Variants in CEP63 observed in about 807,000 individuals in gnomAD.
CEP63 encodes centrosomal protein of 63 kDa.
CEP63 carries 84 observed loss-of-function variants against 89.1 expected under a neutral mutation model. The ratio of observed to expected loss-of-function variants is 0.94; its 90% CI spans 0.79 to 1.13. The LOEUF is 1.13. CEP63 is among the 50% of genes most tolerant of loss of function. The pLI, the probability that CEP63 is intolerant of heterozygous loss-of-function variation, is 0.00. For missense variants in CEP63, 838 were observed against 813.3 expected (o/e 1.03, Z -0.37); for synonymous variants, 267 against 272.5 (o/e 0.98, Z 0.20).
At chr3:134,738,400 T>C in the CEP63 span, among the ~76,000 whole-genome samples, 1 of 152,220 alleles carries the variant, frequency 6.6e-6, no homozygotes, top group East Asian at 1.9e-4. Context: ...CTTTTTTGAA[T>C]AATGACTTCT....
At chr3:134,540,163 TTAAAA>T (rs1282311334) in intron 6 of CEP63, among the ~76,000 whole-genome samples, 1 of 152,168 alleles carries the variant, frequency 6.6e-6, no homozygotes, top group Non-Finnish European at 1.5e-5. Context: ...AACAATAACT[TTAAAA>T]TATATAGAAT....
chr3:134,753,349 T>C, the CEP63 span, among the ~76,000 whole-genome samples: 9 of 152,224 alleles, frequency 5.9e-5, no homozygotes, highest in Non-Finnish European at 1.3e-4. Flanking sequence ...CCTGCCTCCA[T>C]GGGGATTTGT....
the CEP63 span, among the ~76,000 whole-genome samples, chr3:134,597,356 T>C: frequency 6.6e-6 from 1 of 152,218 alleles, no homozygotes; most frequent in African/African-American, 2.4e-5. Flanking sequence ...ACAAACCATC[T>C]TGTGAAGACT....
At chr3:134,541,376 T>C (rs1347632010) in intron 6 of CEP63, among the ~76,000 whole-genome samples, 2 of 152,174 alleles carry the variant, frequency 1.3e-5, no homozygotes, top group African/African-American at 2.4e-5. Flanking sequence ...AAAATTACTT[T>C]AGTGTAAGGT....
intron 2 of CEP63, among the ~76,000 whole-genome samples, chr3:134,496,265 G>T (rs902907719): frequency 6.6e-6 from 1 of 152,114 alleles, no homozygotes; most frequent in African/African-American, 2.4e-5. Context: ...AGTACTACCA[G>T]TTCACTCAAT....
the CEP63 span, among the ~76,000 whole-genome samples, chr3:134,713,954 G>A: frequency 0.036 from 5,448 of 152,272 alleles, 333 homozygotes; most frequent in African/African-American, 0.12. Flanking sequence ...CAGACTGTCC[G>A]AGGCTGGATC....
the CEP63 span, among the ~76,000 whole-genome samples, chr3:134,698,625 C>T: frequency 3.9e-5 from 6 of 152,324 alleles, no homozygotes; most frequent in East Asian, 1.9e-4. Flanking sequence ...AAGCCTCACG[C>T]TCTGGAGAAT....
At chr3:134,694,118 G>A in the CEP63 span, among the ~76,000 whole-genome samples, 1 of 152,304 alleles carries the variant, frequency 6.6e-6, no homozygotes, top group Admixed American at 6.5e-5. Flanking sequence ...CCTGAGCATA[G>A]CTGTCATTCA....
In CEP63 at chr3:134,558,232, T is replaced by G. The variant is rs934666528; in HGVS notation, c.1558T>G (p.Leu520Val). 5 of 1,613,556 alleles carry G rather than the reference T, an allele frequency of 3.1e-6. No individual in the cohort carries two copies. The highest frequency in any genetic ancestry group is 4.2e-6 in the Non-Finnish European group (5 of 1,179,712). ...VSENQQLQKD[L>V]MNTKSQLEIS... ...TGAAAATCAACAACTACAGAAAGAT[T>G]TGATGAATACCAAATCTCAGCTGGA... The change falls in exon 13 of 15, where the codon TTG (leucine) becomes GTG (valine). Residue 520 changes from leucine to valine, a missense_variant. By Grantham distance (32) the Leu-to-Val change is conservative. Coordinates refer to ENST00000675561, the MANE Select transcript of CEP63 (RefSeq NM_001353108.3).
the CEP63 span, among the ~76,000 whole-genome samples, chr3:134,625,668 T>C: frequency 3.9e-5 from 6 of 152,246 alleles, no homozygotes; most frequent in Non-Finnish European, 7.3e-5. Context: ...ATCTGGGTCC[T>C]GCAGGGCGAG....
Position 134,491,661 on chromosome 3 carries a change from A to G in CEP63, c.-25-3635A>G, listed in dbSNP as rs567659858. The stretch of plus-strand genomic sequence containing the variant: ...CTCTAATACCTTATTTACTGGTATC[A>G]GTTTAATTAGGAGCCTTTCTGGAAA... On this transcript the variant is annotated intron_variant, in intron 1 of 14. Transcript: ENST00000675561. Among the ~76,000 whole-genome samples, 40 of 152,258 alleles carry G rather than the reference A, an allele frequency of 2.6e-4. No homozygotes were observed. In the South Asian group the frequency reaches 8.1e-3, roughly 31 times the overall value.
At chr3:134,547,561 TAA>T in intron 9 of CEP63, 89 bp downstream of exon 9, 1 of 1,099,924 alleles carries the variant, frequency 9.1e-7, no homozygotes, top group South Asian at 1.4e-5. Flanking sequence ...ATAGTCATAG[TAA>T]AAAAAATAAG....
At chr3:134,570,753 C>T (rs1378289744) in intron 11 of CEP63, among the ~76,000 whole-genome samples, 2 of 152,160 alleles carry the variant, frequency 1.3e-5, no homozygotes, top group Non-Finnish European at 2.9e-5. Context: ...TACCAATTTA[C>T]TGTATTAGTC....
At chr3:134,686,055 A>T in the CEP63 span, among the ~76,000 whole-genome samples, 8 of 152,246 alleles carry the variant, frequency 5.3e-5, no homozygotes, top group Admixed American at 3.3e-4. Flanking sequence ...TCTGACTCCG[A>T]TGTCTGTGCT....
At chr3:134,550,341 T>G in intron 11 of CEP63, 81 bp downstream of exon 11, 1 of 1,329,444 alleles carries the variant, frequency 7.5e-7, no homozygotes, top group Non-Finnish European at 1.1e-6. Context: ...TTTCATAATA[T>G]TTAATTCAGT....
chr3:134,723,529 C>G, the CEP63 span, among the ~76,000 whole-genome samples: 1 of 152,176 alleles, frequency 6.6e-6, no homozygotes, highest in African/African-American at 2.4e-5. Context: ...GAGCTTTGGA[C>G]TAATGGGTTA....
the CEP63 span, chr3:134,625,135 G>A: frequency 3.8e-6 from 6 of 1,594,076 alleles, no homozygotes; most frequent in South Asian, 4.6e-5. Flanking sequence ...CCAGGGGTAG[G>A]CTGGAAACAC....
intron 1 of CEP63, among the ~76,000 whole-genome samples, chr3:134,493,878 CA>C (rs945315612): frequency 1.1e-4 from 16 of 152,012 alleles, no homozygotes; most frequent in Non-Finnish European, 1.5e-5. Flanking sequence ...AGGATTAGCC[CA>C]GGGGCAGAAC....
At chr3:134,666,239 T>C in the CEP63 span, among the ~76,000 whole-genome samples, 212 of 152,270 alleles carry the variant, frequency 1.4e-3, 1 homozygote, top group Middle Eastern at 0.041. Flanking sequence ...GATCACAGCC[T>C]CTGGGCCCAG....
Sources: allele counts gnomAD v4.1 joint callset (sites outside exome capture counted in the v4.1 genomes callset), GRCh38; gene constraint gnomAD v4.1.1; transcripts MANE v1.5; gene names NCBI Gene and HGNC (gene_info 2026-07-23, HGNC 2026-07-21).